The following RWDD1 variants were observed in gnomAD, a reference collection of about 807,000 sequenced individuals.
RWDD1 encodes RWD domain containing 1.
A neutral mutation model predicts 31.6 loss-of-function variants in RWDD1; 17 were observed. The ratio of observed to expected loss-of-function variants is 0.54; its 90% CI spans 0.37 to 0.81. RWDD1 has a LOEUF of 0.81. RWDD1 is among the 30% of genes least tolerant of loss of function. The pLI, the probability that RWDD1 is intolerant of heterozygous loss-of-function variation, is 0.00. For synonymous variants in RWDD1, 78 were observed against 94.2 expected, an observed-to-expected ratio of 0.83 and a Z score of 0.99; for missense variants, 204 against 274.5, an observed-to-expected ratio of 0.74 and a Z score of 1.82.
At chr6:116,580,421 G>T (rs1315899579) in intron 2 of RWDD1, 61 bp downstream of exon 2, 6 of 1,261,486 alleles carry the variant, frequency 4.8e-6, no homozygotes, top group Non-Finnish European at 6.7e-6. Flanking sequence ...CACTCATTCT[G>T]TAGGCATTAT....
chr6:116,584,630 T>C, intron 2 of RWDD1, 97 bp from the exon 3 acceptor site: 1 of 1,065,772 alleles, frequency 9.4e-7, no homozygotes, highest in Non-Finnish European at 1.4e-6. Flanking sequence ...TTTTTCTTTG[T>C]AGGAAAATCT....
intron 4 of RWDD1, among the ~76,000 whole-genome samples, chr6:116,589,317 A>G (rs1395877663): frequency 6.6e-6 from 1 of 152,156 alleles, no homozygotes; most frequent in Admixed American, 6.5e-5. Flanking sequence ...GTCTTGGGCC[A>G]TACATAAAAT....
At chr6:116,586,151 T>A (rs1304227063) in intron 3 of RWDD1, among the ~76,000 whole-genome samples, 1 of 152,196 alleles carries the variant, frequency 6.6e-6, no homozygotes, top group Non-Finnish European at 1.5e-5. Flanking sequence ...TCAGGTGTGA[T>A]CAGGGAGTAT....
chr6:116,578,976 A>G (rs560038563), intron 1 of RWDD1, among the ~76,000 whole-genome samples: 7 of 152,212 alleles, frequency 4.6e-5, no homozygotes, highest in South Asian at 4.1e-4. Context: ...CCCAGGTTCA[A>G]GTGATTCTTG....
In RWDD1 at chr6:116,588,786, G is replaced by A. The variant is rs1047953336; in HGVS notation, c.271-56G>A. ...AACCAAATTAGTAATTATTATAAAT[G>A]TATGGACTTTTATTTTTCTGAGAGT... On this transcript the variant is annotated intron_variant, in intron 3 of 6. Transcript: ENST00000466444. The A allele has an allele frequency of 1.2e-5, 15 of 1,297,998 alleles. No individual in the cohort carries two copies. In the East Asian group the frequency reaches 1.6e-4, roughly 14 times the overall value. 80.4% of individuals were successfully genotyped at this position (1,297,998 alleles called of 1,614,324 possible). A position where few individuals can be genotyped will look rare whatever the true frequency, so the allele number is the denominator to read the frequency against.
At chr6:116,588,728 G>A in intron 3 of RWDD1, 114 bp from the exon 4 acceptor site, 1 of 514,986 alleles carries the variant, frequency 1.9e-6, no homozygotes, top group Non-Finnish European at 3.1e-6. Context: ...TTACTTAAAT[G>A]ATCTTTTATT....
intron 1 of RWDD1, among the ~76,000 whole-genome samples, chr6:116,575,861 A>G (rs1479537132): frequency 6.6e-6 from 1 of 152,222 alleles, no homozygotes; most frequent in Non-Finnish European, 1.5e-5. Flanking sequence ...GAAGAAGAAC[A>G]GAGAAGTAAG....
At chr6:116,577,152 G>C (rs1419360208) in intron 1 of RWDD1, among the ~76,000 whole-genome samples, 1 of 152,164 alleles carries the variant, frequency 6.6e-6, no homozygotes, top group East Asian at 1.9e-4. Context: ...ACTTTATATG[G>C]ATAGGGAACT....
intron 4 of RWDD1, 83 bp from the exon 5 acceptor site, chr6:116,590,189 A>ATATC (rs1387956084): frequency 2.9e-6 from 2 of 697,228 alleles, no homozygotes. Flanking sequence ...AAGGGGTTAT[A>ATATC]TTGATATGTT....
chr6:116,593,570 TA>T lies in RWDD1; in HGVS notation c.*470del, dbSNP rs1045981025. ...TCTTGATAAAACCAGGAGGCCATAT[TA>T]TGATCATAAGTAAGATGAAGTTTAG... On this transcript the variant is annotated 3_prime_UTR_variant, in exon 7 of 7. Transcript: ENST00000466444. The T allele has an allele frequency of 6.6e-6, 1 of 152,488 alleles. No individual in the cohort carries two copies. The highest frequency in any genetic ancestry group is 1.5e-5 in the Non-Finnish European group (1 of 68,266). 9.4% of individuals were successfully genotyped at this position (152,488 alleles called of 1,614,324 possible).
intron 2 of RWDD1, among the ~76,000 whole-genome samples, chr6:116,583,790 TACTG>T (rs1562378054): frequency 6.6e-6 from 1 of 152,230 alleles, no homozygotes; most frequent in Non-Finnish European, 1.5e-5. Context: ...TACTGTTTCT[TACTG>T]ACCTCTAACA....
rs1259036413 is a variant in RWDD1 at position 116,593,342 on chromosome 6, T to G, written c.*241T>G. Reference sequence around the variant, plus strand: ...AAAATCACCTAGTATTTGAGAGAGATCCTGCCTATAGCACCAAGACTCGAA... The same window carrying G: ...AAAATCACCTAGTATTTGAGAGAGAGCCTGCCTATAGCACCAAGACTCGAA... On this transcript the variant is annotated 3_prime_UTR_variant, in exon 7 of 7. Coordinates refer to ENST00000466444, the MANE Select transcript of RWDD1 (RefSeq NM_015952.4). 9.5e-6 allele frequency: 3 copies of G among 315,260 alleles called. No individual in the cohort carries two copies. The highest frequency in any genetic ancestry group is 1.7e-5 in the Non-Finnish European group (3 of 174,634). The allele number at this position is 315,260 out of a possible 1,614,324, so 19.5% of individuals were successfully genotyped here.
At position 116,589,043 on chromosome 6, in the gene RWDD1, G is replaced by C. The variant is rs886244476; in HGVS notation, c.414+58G>C. On this transcript the variant is annotated intron_variant, in intron 4 of 6. Coordinates refer to ENST00000466444, the MANE Select transcript of RWDD1 (RefSeq NM_015952.4). ...TTCTTAAATCAGTTTTCAGTTGCTT[G>C]GTTGGGTTTTTTTTTAATCAATAGC... is the stretch of plus-strand genomic sequence containing the variant. 7 of 1,180,644 alleles carry C rather than the reference G, an allele frequency of 5.9e-6. No homozygotes were observed. In the African/African-American group the frequency reaches 1.1e-4, roughly 19 times the overall value. 73.1% of individuals were successfully genotyped at this position (1,180,644 alleles called of 1,614,324 possible).
intron 3 of RWDD1, 76 bp downstream of exon 3, chr6:116,584,933 G>A: frequency 8.5e-7 from 1 of 1,179,104 alleles, no homozygotes; most frequent in Non-Finnish European, 1.2e-6. Flanking sequence ...TCAAGAGTTA[G>A]AAAATGCTAT....
At chr6:116,592,602 G>A (rs1160878473) in intron 6 of RWDD1, among the ~76,000 whole-genome samples, 1 of 152,158 alleles carries the variant, frequency 6.6e-6, no homozygotes, top group East Asian at 1.9e-4. Context: ...GAGCTTTAAC[G>A]ATGTGCTTAT....
At chr6:116,575,178 C>T (rs1774817137) in intron 1 of RWDD1, among the ~76,000 whole-genome samples, 1 of 151,936 alleles carries the variant, frequency 6.6e-6, no homozygotes, top group Admixed American at 6.5e-5. Flanking sequence ...CCACCACCTC[C>T]CAGGTTCAAG....
chr6:116,591,355 A>C (rs1775141270), intron 6 of RWDD1, among the ~76,000 whole-genome samples: 1 of 152,218 alleles, frequency 6.6e-6, no homozygotes, highest in Non-Finnish European at 1.5e-5. Flanking sequence ...TGATCACACC[A>C]GCCTCTCACA....
intron 3 of RWDD1, among the ~76,000 whole-genome samples, chr6:116,585,177 C>G (rs1775016205): frequency 6.6e-6 from 1 of 152,056 alleles, no homozygotes; most frequent in African/African-American, 2.4e-5. Context: ...TGCCTAGTCC[C>G]ATATGTAGCT....
chr6:116,588,965 G>A lies in RWDD1; in HGVS notation c.394G>A (p.Glu132Lys). 7.1e-7 allele frequency: 1 copy of A among 1,410,158 alleles called. No homozygotes were observed. 87.4% of individuals were successfully genotyped at this position (1,410,158 alleles called of 1,614,324 possible). ...AGAAGAAAAGAAACAAAAAGAAAAA[G>A]AAGCAGAAGAAGCTGAAAAGGTATA... ...REEEKKQKEK[E>K]AEEAEKQLFH... The change falls in exon 4 of 7, where the codon GAA becomes AAA. Residue 132 changes from glutamate to lysine, a missense_variant. Transcript: ENST00000466444.
Sources: gnomAD v4.1 joint callset for allele counts (sites outside exome capture counted in the v4.1 genomes callset) on GRCh38, gnomAD v4.1.1 for gene constraint, MANE v1.5 for transcripts, NCBI Gene and HGNC (gene_info 2026-07-23, HGNC 2026-07-21) for gene names.